GLIS3: variants seen among roughly 807,000 people sequenced by gnomAD.
GLIS3 encodes the protein zinc finger protein GLIS3.
In GLIS3, 53 loss-of-function variants were observed where a neutral mutation model predicts 78.6. The ratio of observed to expected loss-of-function variants is 0.67; its 90% CI spans 0.54 to 0.85. The LOEUF is 0.85. Ranked by LOEUF, GLIS3 falls within the 40% of genes least tolerant of loss-of-function variation. The pLI is 0.00. For synonymous variants in GLIS3, 684 were observed against 509.9 expected, an observed-to-expected ratio of 1.34 and a Z score of -4.60; for missense variants, 1,703 against 1,231.1, an observed-to-expected ratio of 1.38 and a Z score of -5.74.
intron 8 of GLIS3, among the ~76,000 whole-genome samples, chr9:3,859,381 AC>A (rs1820017609): frequency 1.0e-4 from 3 of 30,136 alleles, no homozygotes; most frequent in Non-Finnish European, 2.9e-4. Flanking sequence ...ACACACACAC[AC>A]ACACACACAC....
At chr9:4,085,419 A>G (rs1265525979) in intron 4 of GLIS3, among the ~76,000 whole-genome samples, 3 of 151,984 alleles carry the variant, frequency 2.0e-5, no homozygotes, top group African/African-American at 7.3e-5. Context: ...CTCCTTCTGT[A>G]GTATCTCTCA....
chr9:4,206,990 T>A (rs947418523), intron 2 of GLIS3, among the ~76,000 whole-genome samples: 2 of 152,208 alleles, frequency 1.3e-5, no homozygotes, highest in African/African-American at 4.8e-5. Flanking sequence ...AATACATATT[T>A]TGTAGAGCCA....
chr9:4,339,135 A>T (rs1158431453), intron 2 of GLIS3, among the ~76,000 whole-genome samples: 1 of 152,214 alleles, frequency 6.6e-6, no homozygotes. Flanking sequence ...CACCTCAGTC[A>T]TGATTTAGTG....
chr9:3,871,709 A>G (rs1274899247), intron 8 of GLIS3, among the ~76,000 whole-genome samples: 1 of 152,188 alleles, frequency 6.6e-6, no homozygotes, highest in Admixed American at 6.5e-5. Context: ...ACCCTGGGCC[A>G]GGCCCTGGAG....
chr9:4,198,407 A>T (rs1202480753), intron 2 of GLIS3, among the ~76,000 whole-genome samples: 1 of 152,050 alleles, frequency 6.6e-6, no homozygotes, highest in East Asian at 1.9e-4. Context: ...GGAATTACAA[A>T]ATACAATTGA....
the GLIS3 span, among the ~76,000 whole-genome samples, chr9:4,417,537 T>C: frequency 6.6e-6 from 1 of 152,216 alleles, no homozygotes; most frequent in Admixed American, 6.5e-5. Context: ...AGATATATAG[T>C]TTGTTCTTGC....
At chr9:4,059,829 T>TGTGAGAGAGAGAGAGAGA in intron 4 of GLIS3, among the ~76,000 whole-genome samples, 2 of 100,708 alleles carry the variant, frequency 2.0e-5, no homozygotes, top group African/African-American at 6.8e-5. Context: ...TGTGTGTGTG[T>TGTGAGAGAGAGAGAGAGA]GAGAGAGAGA....
At chr9:4,449,511 GCCT>G in the GLIS3 span, among the ~76,000 whole-genome samples, 3 of 152,246 alleles carry the variant, frequency 2.0e-5, no homozygotes, top group Non-Finnish European at 4.4e-5. Flanking sequence ...TGGACAGACT[GCCT>G]CCTCAAGTGG....
At chr9:3,960,378 T>A (rs575552181) in intron 4 of GLIS3, among the ~76,000 whole-genome samples, 13 of 152,336 alleles carry the variant, frequency 8.5e-5, no homozygotes, top group South Asian at 2.1e-4. Flanking sequence ...GGTACTTTGT[T>A]ATGGCAGCCC....
chr9:4,316,653 ATG>A (rs1804925199), intron 2 of GLIS3, among the ~76,000 whole-genome samples: 1 of 152,142 alleles, frequency 6.6e-6, no homozygotes, highest in South Asian at 2.1e-4. Flanking sequence ...AAGCGTAGGC[ATG>A]TGTGTGAGTG....
In GLIS3 at chr9:4,279,276, C is replaced by T. The variant is rs1314862658; in HGVS notation, c.388+6762G>A. 8.3e-4 allele frequency among the ~76,000 whole-genome samples: 97 copies of T among 117,380 alleles called. 4 individuals are homozygous for T. The highest frequency in any genetic ancestry group is 2.4e-3 in the Admixed American group (21 of 8,830). 77.0% of individuals were successfully genotyped at this position (117,380 alleles called of 152,430 possible). A position where few individuals can be genotyped will look rare whatever the true frequency, so the allele number is the denominator to read the frequency against. On this transcript the variant is annotated intron_variant, in intron 2 of 10. Transcript: ENST00000381971. ...TCGCGCCACTGCACTCCAGCCTGGG[C>T]AACAGAGCAAGACTCCATCTCAAAA... is the stretch of plus-strand genomic sequence containing the variant.
chr9:4,461,930 T>C, the GLIS3 span, among the ~76,000 whole-genome samples: 2 of 152,240 alleles, frequency 1.3e-5, no homozygotes, highest in African/African-American at 4.8e-5. Flanking sequence ...AAGGGCTTTG[T>C]AGATTGTTTT....
chr9:3,837,789 A>G (rs74550170), intron 9 of GLIS3, among the ~76,000 whole-genome samples: 1,699 of 152,366 alleles, frequency 0.011, 35 homozygotes, highest in African/African-American at 0.038. Context: ...GGACGAGCAC[A>G]GAGGTAGCGA....
At chr9:4,107,956 G>C (rs1830900695) in intron 4 of GLIS3, among the ~76,000 whole-genome samples, 1 of 152,150 alleles carries the variant, frequency 6.6e-6, no homozygotes, top group African/African-American at 2.4e-5. Flanking sequence ...GTGTGTGTGT[G>C]TGTGCATGCA....
At chr9:4,100,110 G>C (rs1830253666) in intron 4 of GLIS3, among the ~76,000 whole-genome samples, 1 of 152,194 alleles carries the variant, frequency 6.6e-6, no homozygotes, top group Non-Finnish European at 1.5e-5. Context: ...AAAGGTCATG[G>C]TATTCTCAAT....
chr9:4,297,396 G>A (rs149876162), intron 1 of GLIS3, among the ~76,000 whole-genome samples: 2 of 152,342 alleles, frequency 1.3e-5, no homozygotes, highest in African/African-American at 4.8e-5. Flanking sequence ...CTCATCAGGT[G>A]AAGCCAGGGT....
At chr9:3,906,758 A>AAAT (rs1383136100) in intron 6 of GLIS3, among the ~76,000 whole-genome samples, 5 of 152,192 alleles carry the variant, frequency 3.3e-5, no homozygotes, top group African/African-American at 1.2e-4. Context: ...CTCAAGGTAC[A>AAAT]AATATCTTCA....
chr9:4,060,256 C>T (rs1182039910), intron 4 of GLIS3, among the ~76,000 whole-genome samples: 1 of 152,182 alleles, frequency 6.6e-6, no homozygotes. Flanking sequence ...GACTAAACCT[C>T]CCATTTCTGT....
At chr9:4,293,791 G>A (rs946917721) in intron 1 of GLIS3, among the ~76,000 whole-genome samples, 2 of 152,162 alleles carry the variant, frequency 1.3e-5, no homozygotes, top group African/African-American at 2.4e-5. Flanking sequence ...GCATTGTGAC[G>A]CTATCTGCCC....
Sources: allele counts gnomAD v4.1 joint callset (sites outside exome capture counted in the v4.1 genomes callset), GRCh38; gene constraint gnomAD v4.1.1; transcripts MANE v1.5; gene names NCBI Gene and HGNC (gene_info 2026-07-23, HGNC 2026-07-21).